GIGYF2: variants seen among roughly 807,000 people sequenced by gnomAD.
The protein encoded by GIGYF2 is GRB10 interacting GYF protein 2, also known as GRB10-interacting GYF protein 2.
A neutral mutation model predicts 208.1 loss-of-function variants in GIGYF2; 25 were observed. The observed-to-expected ratio is 0.12, with a 90% CI of 0.09 to 0.17. The LOEUF is 0.17. GIGYF2 is among the 10% of genes least tolerant of loss of function. The pLI, the probability that GIGYF2 is intolerant of heterozygous loss-of-function variation, is 1.00. For synonymous variants in GIGYF2, 534 were observed against 543.8 expected (o/e 0.98, Z 0.25); for missense variants, 1,302 against 1,579.4 (o/e 0.82, Z 2.98).
rs79092188 is a variant in GIGYF2 at position 232,707,427 on chromosome 2, A to G, written c.-44+3938A>G. On this transcript the variant is annotated intron_variant, in intron 2 of 28. Transcript: ENST00000373563. Reference sequence around the variant, plus strand: ...CTTGGTACTTTCTACTTGATAAATCATGGCTTAGGTCTTAAAGAGTAGCCA... The same window carrying G: ...CTTGGTACTTTCTACTTGATAAATCGTGGCTTAGGTCTTAAAGAGTAGCCA... Among the ~76,000 whole-genome samples the G allele has an allele frequency of 2.0e-3, 297 of 152,254 alleles. 3 individuals carry two copies. The highest frequency in any genetic ancestry group is 6.9e-3 in the African/African-American group (288 of 41,550).
At position 232,859,524 on chromosome 2, in the gene GIGYF2, T is replaced by C. The variant is rs1469477939; in HGVS notation, c.*2664T>C. The C allele has an allele frequency of 6.6e-6, 1 of 152,140 alleles. No homozygotes were observed. 9.4% of individuals were successfully genotyped at this position (152,140 alleles called of 1,614,324 possible). On this transcript the variant is annotated 3_prime_UTR_variant, in exon 29 of 29. Coordinates refer to ENST00000373563, the MANE Select transcript of GIGYF2 (RefSeq NM_001103146.3). The stretch of plus-strand genomic sequence containing the variant: ...TGGAGACTGTCCCCAAGCAGATTGG[T>C]GTGCTGGTGGCTGCTGTGCATAACA...
rs998776614 is a variant in GIGYF2, at chr2:232,735,324, T to C, written c.41+86T>C. 1.2e-5 allele frequency: 12 copies of C among 960,788 alleles called. No homozygotes were observed. In the African/African-American group the frequency reaches 1.9e-4, roughly 16 times the overall value. The allele number at this position is 960,788 out of a possible 1,614,324, so 59.5% of individuals were successfully genotyped here. On this transcript the variant is annotated intron_variant, in intron 3 of 28. Coordinates refer to ENST00000373563, the MANE Select transcript of GIGYF2 (RefSeq NM_001103146.3). The stretch of plus-strand genomic sequence containing the variant: ...TGACAGGTGCTAGGTGGTTTATAAA[T>C]GTGCATGTTTTTGAAACTTTTGCTT...
chr2:232,782,567 C>G (rs188162236), intron 8 of GIGYF2: 3 of 152,258 alleles, frequency 2.0e-5, no homozygotes, highest in East Asian at 3.9e-4. Flanking sequence ...TAAGCAGTAG[C>G]ATAAGAGTAA....
At chr2:232,828,147 A>C (rs1246730199) in intron 21 of GIGYF2, among the ~76,000 whole-genome samples, 1 of 151,898 alleles carries the variant, frequency 6.6e-6, no homozygotes, top group African/African-American at 2.4e-5. Context: ...GTGCTACCAC[A>C]CCTGGTTAAT....
intron 8 of GIGYF2, among the ~76,000 whole-genome samples, chr2:232,770,092 C>T (rs1267539819): frequency 3.9e-5 from 6 of 152,090 alleles, no homozygotes; most frequent in Admixed American, 2.6e-4. Context: ...AAAGGACTGA[C>T]CCAGTATAGG....
chr2:232,767,908 G>C, intron 8 of GIGYF2: 2 of 406,500 alleles, frequency 4.9e-6, no homozygotes, highest in Non-Finnish European at 9.1e-6. Flanking sequence ...TTCATTACTA[G>C]TATCATACCA....
chr2:232,819,162 C>T (rs939202688), intron 20 of GIGYF2, among the ~76,000 whole-genome samples: 1 of 152,074 alleles, frequency 6.6e-6, no homozygotes, highest in Non-Finnish European at 1.5e-5. Flanking sequence ...CAAAAAAGAT[C>T]CATGCTGAGA....
rs866806823 is a variant in GIGYF2 at position 232,833,016 on chromosome 2, C to T, written c.2689C>T (p.Arg897Cys). ...GGTCCAGCGGCAGAAGGAGTTAATGCGCCAGAGGCAGCAGCAGCAAGAGGC... is the reference window on the plus strand; with the variant it reads ...GGTCCAGCGGCAGAAGGAGTTAATGTGCCAGAGGCAGCAGCAGCAAGAGGC... ...LEVQRQKELM[R>C]QRQQQQEALR... is the part of the protein sequence containing the mutation. The change falls in exon 22 of 29, where the codon CGC (arginine) becomes TGC (cysteine). Residue 897 changes from arginine to cysteine, a missense_variant. Coordinates refer to ENST00000373563, the MANE Select transcript of GIGYF2 (RefSeq NM_001103146.3). 7 of 1,568,966 alleles carry T rather than the reference C, an allele frequency of 4.5e-6. No homozygotes were observed. Among genetic ancestry groups the T allele is most frequent in the Middle Eastern group, 1.7e-4 (1 of 6,004 alleles).
chr2:232,719,524 T>C (rs1417112470), intron 2 of GIGYF2, among the ~76,000 whole-genome samples: 1 of 152,148 alleles, frequency 6.6e-6, no homozygotes, highest in East Asian at 1.9e-4. Flanking sequence ...AGGACCTAGG[T>C]TGATTTCTTT....
At chr2:232,841,692 C>T (rs551466317) in intron 23 of GIGYF2, among the ~76,000 whole-genome samples, 25 of 152,172 alleles carry the variant, frequency 1.6e-4, no homozygotes, top group African/African-American at 5.8e-4. Flanking sequence ...TCTTAATACA[C>T]ATTTCACATA....
chr2:232,824,174 CCAATTGGATAACCTA>C (rs1488886969), intron 21 of GIGYF2, among the ~76,000 whole-genome samples: 4 of 151,224 alleles, frequency 2.6e-5, no homozygotes, highest in Non-Finnish European at 4.4e-5. Flanking sequence ...GGAAATTAGG[CCAATTGGATAACCTA>C]CAATGGCCTC....
chr2:232,807,766 C>T (rs1232899276), intron 15 of GIGYF2, among the ~76,000 whole-genome samples: 1 of 152,006 alleles, frequency 6.6e-6, no homozygotes, highest in Non-Finnish European at 1.5e-5. Context: ...GAGATGGAGT[C>T]TCGCCATGTT....
At chr2:232,785,940 C>T (rs905839501) in intron 8 of GIGYF2, among the ~76,000 whole-genome samples, 1 of 152,146 alleles carries the variant, frequency 6.6e-6, no homozygotes, top group African/African-American at 2.4e-5. Flanking sequence ...AAACTGAGGA[C>T]ATCAATGTAT....
chr2:232,799,392 T>A (rs1183155468), intron 14 of GIGYF2, among the ~76,000 whole-genome samples: 9 of 150,082 alleles, frequency 6.0e-5, no homozygotes, highest in African/African-American at 9.8e-5. Flanking sequence ...AAAAAAAAAA[T>A]AAAAAATTAG....
chr2:232,772,864 A>G (rs888559646), intron 8 of GIGYF2, among the ~76,000 whole-genome samples: 2 of 152,120 alleles, frequency 1.3e-5, no homozygotes, highest in African/African-American at 2.4e-5. Context: ...TGGGTTTCCT[A>G]GTTCCTATAT....
chr2:232,818,499 C>T (rs557770543), intron 20 of GIGYF2, among the ~76,000 whole-genome samples: 1 of 152,240 alleles, frequency 6.6e-6, no homozygotes, highest in African/African-American at 2.4e-5. Context: ...CTATAGATAT[C>T]CAGTTTTCCC....
intron 8 of GIGYF2, chr2:232,765,759 A>G (rs983100165): frequency 2.4e-5 from 8 of 330,698 alleles, no homozygotes; most frequent in African/African-American, 1.7e-4. Flanking sequence ...GTTAATAGAC[A>G]TAGCAATTTT....
intron 2 of GIGYF2, among the ~76,000 whole-genome samples, chr2:232,713,949 T>C (rs1269516072): frequency 2.4e-5 from 3 of 125,060 alleles, no homozygotes; most frequent in Admixed American, 8.9e-5. Flanking sequence ...ATTTTTTTTT[T>C]TTCTCTTTTT....
intron 21 of GIGYF2, among the ~76,000 whole-genome samples, chr2:232,823,356 T>G (rs1701153225): frequency 2.3e-5 from 2 of 85,514 alleles, no homozygotes; most frequent in Admixed American, 2.6e-4. Flanking sequence ...CTCTTTTTCC[T>G]TTCTTTCTTT....
Sources: gnomAD v4.1 joint callset for allele counts (sites outside exome capture counted in the v4.1 genomes callset) on GRCh38, gnomAD v4.1.1 for gene constraint, MANE v1.5 for transcripts, NCBI Gene and HGNC (gene_info 2026-07-23, HGNC 2026-07-21) for gene names.